TAF4: variants seen among roughly 807,000 people sequenced by gnomAD.
The protein encoded by TAF4 is TATA-box binding protein associated factor 4.
A neutral mutation model predicts 90.3 loss-of-function variants in TAF4; 9 were observed. The ratio of observed to expected loss-of-function variants is 0.10; its 90% CI spans 0.06 to 0.17. The LOEUF (loss-of-function observed/expected upper bound fraction) is 0.17. TAF4 is among the 10% of genes least tolerant of loss of function. The pLI is 1.00. For synonymous variants in TAF4, 818 were observed against 638.9 expected, an observed-to-expected ratio of 1.28 and a Z score of -4.23; for missense variants, 1,351 against 1,370.7, an observed-to-expected ratio of 0.99 and a Z score of 0.23.
intron 7 of TAF4, chr20:62,005,653 A>G (rs1015581815): frequency 4.6e-5 from 7 of 152,242 alleles, no homozygotes; most frequent in Admixed American, 2.6e-4. Flanking sequence ...CCTGGCCTTT[A>G]TAAGGGACAC....
At chr20:62,042,214 G>A (rs766107987) in intron 1 of TAF4, among the ~76,000 whole-genome samples, 18 of 152,214 alleles carry the variant, frequency 1.2e-4, no homozygotes, top group Admixed American at 5.9e-4. Context: ...GAGAAGGAGC[G>A]TCTGAATGTC....
chr20:62,061,189 G>A (rs1490668631), intron 1 of TAF4, among the ~76,000 whole-genome samples: 6 of 152,192 alleles, frequency 3.9e-5, no homozygotes, highest in Admixed American at 3.9e-4. Flanking sequence ...CCTCAGGGGT[G>A]GCCGTCTGCA....
intron 1 of TAF4, among the ~76,000 whole-genome samples, chr20:62,029,900 G>C (rs190633021): frequency 2.6e-5 from 4 of 152,058 alleles, no homozygotes; most frequent in African/African-American, 9.7e-5. Context: ...GCAAGACTCC[G>C]TCTCAAAAAA....
rs917792010 is a variant in TAF4 at position 61,975,613 on chromosome 20, T to C, written c.*555A>G. 2.0e-5 allele frequency: 3 copies of C among 147,586 alleles called. No homozygotes were observed. Among genetic ancestry groups the C allele is most frequent in the African/African-American group, 7.8e-5 (3 of 38,594 alleles). 9.1% of individuals were successfully genotyped at this position (147,586 alleles called of 1,614,324 possible). ...GGTGGGGGTGCAACGATGAATTGTGTATTCCTCCAGGATTCTCAGCGGAGT... is the reference window on the plus strand; with the variant it reads ...GGTGGGGGTGCAACGATGAATTGTGCATTCCTCCAGGATTCTCAGCGGAGT... On this transcript the variant is annotated 3_prime_UTR_variant, in exon 15 of 15. Transcript: ENST00000252996.
At chr20:62,064,194 C>G in intron 1 of TAF4, 1 of 393,970 alleles carries the variant, frequency 2.5e-6, no homozygotes, top group Non-Finnish European at 4.4e-6. Flanking sequence ...CGAAACAGAC[C>G]AGCCCCAGGC....
At chr20:62,004,005 G>T in intron 7 of TAF4, 127 bp from the exon 8 acceptor site, 1 of 1,200,028 alleles carries the variant, frequency 8.3e-7, no homozygotes, top group Non-Finnish European at 1.1e-6. Context: ...GTCCTAGGAA[G>T]ACCCCGTGTG....
At chr20:62,048,213 G>A (rs2056004656) in intron 1 of TAF4, among the ~76,000 whole-genome samples, 1 of 152,212 alleles carries the variant, frequency 6.6e-6, no homozygotes, top group Admixed American at 6.5e-5. Flanking sequence ...CCAAGTCCCA[G>A]ATGAGAAAGG....
At chr20:62,049,895 G>A (rs958364113) in intron 1 of TAF4, among the ~76,000 whole-genome samples, 1 of 152,058 alleles carries the variant, frequency 6.6e-6, no homozygotes, top group Non-Finnish European at 1.5e-5. Flanking sequence ...CAGAGACGAC[G>A]GCACTCAAGA....
chr20:62,020,483 G>T (rs1009925817), intron 1 of TAF4, among the ~76,000 whole-genome samples: 1 of 152,222 alleles, frequency 6.6e-6, no homozygotes, highest in African/African-American at 2.4e-5. Context: ...CTTCTAGAAC[G>T]CTAAACTCTT....
rs1382358817 is a variant in TAF4 at position 62,065,248 on chromosome 20, TTGCCAGGGCCAGGGCCGG to T, written c.545_562del (p.Pro182_Lys188delinsGln). On this transcript the variant is annotated inframe_deletion, in exon 1 of 15. Transcript: ENST00000252996. ...TTGCGCGGCGCCGGGGCCGGCGGGCTTGCCAGGGCCAGGGCCGGGGCCGGGGCCGGGGCCGGGCCCGGG... is the reference window on the plus strand; with the variant it reads ...TTGCGCGGCGCCGGGGCCGGCGGGCTGGCCGGGGCCGGGGCCGGGCCCGGG... 1.1e-6 allele frequency: 1 copy of T among 940,736 alleles called. No homozygotes were observed. The highest frequency in any genetic ancestry group is 1.9e-4 in the East Asian group (1 of 5,176). The allele number at this position is 940,736 out of a possible 1,614,324, so 58.3% of individuals were successfully genotyped here. A position where few individuals can be genotyped will look rare whatever the true frequency, so the allele number is the denominator to read the frequency against.
At chr20:62,032,718 G>A (rs768754419) in intron 1 of TAF4, among the ~76,000 whole-genome samples, 11 of 152,258 alleles carry the variant, frequency 7.2e-5, no homozygotes, top group Non-Finnish European at 1.3e-4. Flanking sequence ...CAGTTCTCCA[G>A]AACCCAACTT....
chr20:62,032,802 A>C (rs6061965), intron 1 of TAF4, among the ~76,000 whole-genome samples: 78,024 of 151,992 alleles, frequency 0.51, 20,531 homozygotes, highest in Middle Eastern at 0.66. Context: ...CCGGTGGCCA[A>C]CCAGCACACA....
At chr20:62,014,745 A>C (rs2055803452) in intron 1 of TAF4, 38 bp from the exon 2 acceptor site, 1 of 1,604,606 alleles carries the variant, frequency 6.2e-7, no homozygotes, top group Non-Finnish European at 8.5e-7. Context: ...GAACGCAACC[A>C]CCCCAGAGCC....
intron 1 of TAF4, among the ~76,000 whole-genome samples, chr20:62,030,396 T>G (rs548538955): frequency 1.3e-5 from 2 of 152,326 alleles, no homozygotes; most frequent in South Asian, 4.1e-4. Context: ...TTCGCTTTCA[T>G]GCGTAGACAG....
Position 61,976,057 on chromosome 20 carries a change from A to C in TAF4, c.*111T>G. 1 of 1,187,938 alleles carries C rather than the reference A, an allele frequency of 8.4e-7. No homozygotes were observed. The highest frequency in any genetic ancestry group is 1.2e-6 in the Non-Finnish European group (1 of 827,210). The allele number at this position is 1,187,938 out of a possible 1,614,324, so 73.6% of individuals were successfully genotyped here. ...AGAGCTGATTTAGAAACAGGAATATAAAACTGTTCCATTGTAAAGAGGTGG... is the reference window on the plus strand; with the variant it reads ...AGAGCTGATTTAGAAACAGGAATATCAAACTGTTCCATTGTAAAGAGGTGG... On this transcript the variant is annotated 3_prime_UTR_variant, in exon 15 of 15. Coordinates refer to ENST00000252996, the MANE Select transcript of TAF4 (RefSeq NM_003185.4).
Position 62,064,627 on chromosome 20 carries a change from C to A in TAF4, c.1184G>T (p.Gly395Val). 1 of 1,362,110 alleles carries A rather than the reference C, an allele frequency of 7.3e-7. No individual in the cohort carries two copies. The highest frequency in any genetic ancestry group is 9.4e-7 in the Non-Finnish European group (1 of 1,063,960). The allele number at this position is 1,362,110 out of a possible 1,614,324, so 84.4% of individuals were successfully genotyped here. A position where few individuals can be genotyped will look rare whatever the true frequency, so the allele number is the denominator to read the frequency against. Reference sequence around the variant, plus strand: ...GCCTTTGGGCAGCCCGGTGGGGGTCCCGGGGGCGGGCGGCGGGACGGCGGC... The same window carrying A: ...GCCTTTGGGCAGCCCGGTGGGGGTCACGGGGGCGGGCGGCGGGACGGCGGC... Reference protein sequence around the residue: ...SPAAVPPPAPGTPTGLPKGAA... With the variant: ...SPAAVPPPAPVTPTGLPKGAA... The change falls in exon 1 of 15, where the codon GGG becomes GTG. Residue 395 changes from glycine to valine, a missense_variant. Transcript: ENST00000252996.
At chr20:61,984,496 G>C (rs544734339) in intron 14 of TAF4, among the ~76,000 whole-genome samples, 2 of 152,374 alleles carry the variant, frequency 1.3e-5, no homozygotes, top group South Asian at 4.1e-4. Context: ...ATGTGCACAC[G>C]AGAGAGGGTG....
intron 14 of TAF4, among the ~76,000 whole-genome samples, chr20:61,983,865 A>AT (rs2055565631): frequency 6.6e-6 from 1 of 152,162 alleles, no homozygotes; most frequent in African/African-American, 2.4e-5. Flanking sequence ...AAAAGTAAGG[A>AT]TCTCAGGGAT....
intron 1 of TAF4, among the ~76,000 whole-genome samples, chr20:62,049,632 T>TGCCCCAGCCCCGCCCCCTGCCC (rs2056014732): frequency 7.1e-6 from 1 of 141,458 alleles, no homozygotes; most frequent in Non-Finnish European, 1.5e-5. Context: ...GATCCCTGCC[T>TGCCCCAGCCCCGCCCCCTGCCC]GCCCCAGCCC....
Sources: gnomAD v4.1 joint callset for allele counts (sites outside exome capture counted in the v4.1 genomes callset) on GRCh38, gnomAD v4.1.1 for gene constraint, MANE v1.5 for transcripts, NCBI Gene and HGNC (gene_info 2026-07-23, HGNC 2026-07-21) for gene names.